TRMT44: variants seen among roughly 807,000 people sequenced by gnomAD.
The protein encoded by TRMT44 is probable tRNA (uracil-O(2)-)-methyltransferase.
TRMT44 carries 78 observed loss-of-function variants against 77.3 expected under a neutral mutation model. The observed-to-expected ratio is 1.01, with a 90% confidence interval of 0.84 to 1.22. TRMT44 has a LOEUF of 1.22. Among genes scored for constraint, TRMT44 ranks in the 50% most tolerant of loss-of-function variants. TRMT44 has a pLI of 0.00. For missense variants in TRMT44, 1,090 were observed against 964.4 expected, an observed-to-expected ratio of 1.13 and a Z score of -1.73; for synonymous variants, 391 against 383.3, an observed-to-expected ratio of 1.02 and a Z score of -0.23.
chr4:8,511,694 G>A, the TRMT44 span: 2 of 149,238 alleles, frequency 1.3e-5, no homozygotes, highest in African/African-American at 5.0e-5. Flanking sequence ...AATAATGTTT[G>A]TTTTTTTCCA....
chr4:8,504,018 G>A, the TRMT44 span, among the ~76,000 whole-genome samples: 1 of 152,104 alleles, frequency 6.6e-6, no homozygotes, highest in Non-Finnish European at 1.5e-5. The surrounding 1 kb of genome is among the most constrained non-coding windows in gnomAD (Gnocchi z 5.3). Flanking sequence ...GCCCTCTGCA[G>A]TCCCCGCACC....
the TRMT44 span, among the ~76,000 whole-genome samples, chr4:8,507,900 A>C: frequency 6.6e-6 from 1 of 151,492 alleles, no homozygotes; most frequent in East Asian, 2.0e-4. Flanking sequence ...TTTTGCTTTG[A>C]TTTGTTTTGT....
rs535548167 is a variant in TRMT44, at chr4:8,462,715, C to CAACAA, written c.1204-1252_1204-1248dup. Among the ~76,000 whole-genome samples the CAACAA allele has an allele frequency of 2.1e-3, 316 of 152,232 alleles. 1 individual carries two copies. The highest frequency in any genetic ancestry group is 4.2e-3 in the African/African-American group (173 of 41,526). On this transcript the variant is annotated intron_variant, in intron 6 of 10. Coordinates refer to ENST00000389737, the MANE Select transcript of TRMT44 (RefSeq NM_152544.3). ...CAAGACTCCGTCTCAAAAACAACAA[C>CAACAA]AACAAAACAAAACAAAACAAAAAAA...
Position 8,452,895 on chromosome 4 carries a change from A to G in TRMT44, c.1037A>G (p.Glu346Gly). ...CTCTTCACTTAGATTCTATGGGAAG[A>G]AGAAAGGGCTGAGAGGAGACTAACT... ...IAAYLLILWE[E>G]ERAERRLTAR... The change falls in exon 5 of 11, where the codon GAA (glutamate) becomes GGA (glycine). Residue 346 changes from glutamate to glycine, a missense_variant. Glu to Gly is a moderately conservative substitution (Grantham distance 98, BLOSUM62 -2). Transcript: ENST00000389737. This position sits in a 1 kb window ranked among gnomAD's most constrained non-coding sequence, Gnocchi z 5.7. 6.5e-7 allele frequency: 1 copy of G among 1,528,748 alleles called. No homozygotes were observed. The highest frequency in any genetic ancestry group is 1.2e-5 in the South Asian group (1 of 82,910). 94.7% of individuals were successfully genotyped at this position (1,528,748 alleles called of 1,614,324 possible). A position where few individuals can be genotyped will look rare whatever the true frequency, so the allele number is the denominator to read the frequency against.
chr4:8,505,941 G>A, the TRMT44 span, among the ~76,000 whole-genome samples: 3 of 152,318 alleles, frequency 2.0e-5, no homozygotes, highest in East Asian at 3.9e-4. Context: ...CACCATGATT[G>A]TAAGTTTCCT....
At chr4:8,473,316 C>G (rs773155547) in intron 10 of TRMT44, 1 of 152,492 alleles carries the variant, frequency 6.6e-6, no homozygotes, top group Non-Finnish European at 1.5e-5. Context: ...TGGTATGGAG[C>G]CTGGCACCGT....
At chr4:8,480,420 C>T (rs768084169), downstream of TRMT44, among the ~76,000 whole-genome samples, 3 of 152,104 alleles carry the variant, frequency 2.0e-5, no homozygotes, top group Non-Finnish European at 4.4e-5. Flanking sequence ...TGCACGGTGC[C>T]CTCCTTGCAC....
rs1291851459 is a variant in TRMT44, at chr4:8,451,991, TCGTGTATGAAGATGTGGCTATCG to T, written c.988_1010del (p.Val330SerfsTer13). Reference sequence around the variant, plus strand: ...CCTGAAGTCACTGATCCTGAGAAGTTCGTGTATGAAGATGTGGCTATCGCAGCATACCTGCTGGTAAGGGTGTA... The same window carrying T: ...CCTGAAGTCACTGATCCTGAGAAGTTCAGCATACCTGCTGGTAAGGGTGTA... On this transcript the variant is annotated frameshift_variant, in exon 4 of 11. Coordinates refer to ENST00000389737, the MANE Select transcript of TRMT44 (RefSeq NM_152544.3). LOFTEE classifies it high-confidence loss of function. The surrounding 1 kb of genome is among the most constrained non-coding windows in gnomAD (Gnocchi z 4.1). The T allele has an allele frequency of 2.0e-6, 3 of 1,536,774 alleles. No homozygotes were observed. The South Asian group carries it at 3.6e-5, about 18-fold the overall frequency.
At chr4:8,483,577 C>G (rs937507232) in intron 2 of TRMT44, among the ~76,000 whole-genome samples, 1 of 152,148 alleles carries the variant, frequency 6.6e-6, no homozygotes, top group South Asian at 2.1e-4. Flanking sequence ...TTGTCCAGTC[C>G]TTTTTAAGTT....
Position 8,468,148 on chromosome 4 carries a change from G to GC in TRMT44, c.1730dup (p.Gly578ArgfsTer5), listed in dbSNP as rs746584160. 3.7e-5 allele frequency: 60 copies of GC among 1,613,916 alleles called. No individual in the cohort carries two copies. Among genetic ancestry groups the GC allele is most frequent in the Non-Finnish European group, 5.1e-5 (60 of 1,180,018 alleles). The stretch of plus-strand genomic sequence containing the variant: ...CAGGGCCTGGGCCGCTGAGCATGGA[G>GC]CAGGGCCCCAGGCTGAAGGACCCTG... On this transcript the variant is annotated frameshift_variant, in exon 9 of 11. Coordinates refer to ENST00000389737, the MANE Select transcript of TRMT44 (RefSeq NM_152544.3). LOFTEE classifies it high-confidence loss of function.
At chr4:8,453,086 T>C in intron 5 of TRMT44, 97 bp downstream of exon 5, 1 of 681,814 alleles carries the variant, frequency 1.5e-6, no homozygotes, top group Non-Finnish European at 2.3e-6. Context: ...TGATACAGCC[T>C]GGATTTGGAG....
At chr4:8,486,385 T>C (rs1487963853) in intron 2 of TRMT44, among the ~76,000 whole-genome samples, 1 of 152,236 alleles carries the variant, frequency 6.6e-6, no homozygotes, top group East Asian at 1.9e-4. Flanking sequence ...TGTTGCTACT[T>C]GGCTGCCTCT....
intron 7 of TRMT44, among the ~76,000 whole-genome samples, chr4:8,464,340 ATC>A (rs1229817010): frequency 3.3e-5 from 5 of 152,226 alleles, no homozygotes; most frequent in South Asian, 4.1e-4. Context: ...TTCACATTAT[ATC>A]TCTGTTGGCC....
intron 2 of TRMT44, among the ~76,000 whole-genome samples, chr4:8,483,212 G>A (rs1422098210): frequency 6.6e-6 from 1 of 152,216 alleles, no homozygotes; most frequent in Non-Finnish European, 1.5e-5. Flanking sequence ...AGGAGATTCA[G>A]CATAGTCCTG....
chr4:8,498,286 A>C (rs543354775), downstream of TRMT44, among the ~76,000 whole-genome samples: 42 of 152,220 alleles, frequency 2.8e-4, no homozygotes, highest in Non-Finnish European at 5.3e-4. The surrounding 1 kb of genome is among the most constrained non-coding windows in gnomAD (Gnocchi z 4.3). Flanking sequence ...GTAAATGCAG[A>C]TTCTACCTCG....
At position 8,449,829 on chromosome 4, in the gene TRMT44, A is replaced by G. The variant is rs1025786702; in HGVS notation, c.895A>G (p.Ile299Val). Residue 299 changes from isoleucine to valine, a missense_variant, in exon 3 of 11, where the codon ATT (isoleucine) becomes GTT (valine). Physicochemically the swap from Ile to Val is conservative, Grantham distance 29 (BLOSUM62 3). Transcript: ENST00000389737. Reference sequence around the variant, plus strand: ...TAAAAGCACCCTTTCCCTCATCTCCATTATGAAGTATAGCAAGGCTTACCA... The same window carrying G: ...TAAAAGCACCCTTTCCCTCATCTCCGTTATGAAGTATAGCAAGGCTTACCA... ...DFKSTLSLIS[I>V]MKYSKAYQEL... 12 of 1,535,864 alleles carry G rather than the reference A, an allele frequency of 7.8e-6. No individual in the cohort carries two copies. The Admixed American group carries it at 9.8e-5, about 13-fold the overall frequency.
chr4:8,488,407 T>A (rs548741275), intron 2 of TRMT44, among the ~76,000 whole-genome samples: 3 of 151,956 alleles, frequency 2.0e-5, no homozygotes, highest in Non-Finnish European at 4.4e-5. Context: ...TTTGGTTAGG[T>A]AAAGGAAAAT....
Position 8,446,789 on chromosome 4 carries a change from A to G in TRMT44, c.734+199A>G, listed in dbSNP as rs1284720615. Among the ~76,000 whole-genome samples, 1 of 152,180 alleles carries G rather than the reference A, an allele frequency of 6.6e-6. No individual in the cohort carries two copies. Among genetic ancestry groups the G allele is most frequent in the Admixed American group, 6.5e-5 (1 of 15,276 alleles). On this transcript the variant is annotated intron_variant, in intron 2 of 10. Transcript: ENST00000389737. This position sits in a 1 kb window ranked among gnomAD's most constrained non-coding sequence, Gnocchi z 4.3. ...CCTGGCCTCGAGTCTGGGTGGTCAC[A>G]GCCTGGCTGGGGTTTCTGATCTCTA...
chr4:8,472,375 G>A (rs1727064613), intron 10 of TRMT44, among the ~76,000 whole-genome samples: 1 of 152,238 alleles, frequency 6.6e-6, no homozygotes, highest in Non-Finnish European at 1.5e-5. Flanking sequence ...AAAGGACTGG[G>A]CCTCTGATGG....
Sources: allele counts gnomAD v4.1 joint callset (sites outside exome capture counted in the v4.1 genomes callset), GRCh38; gene constraint gnomAD v4.1.1; non-coding constraint Gnocchi (gnomAD v3.1); transcripts MANE v1.5; gene names NCBI Gene and HGNC (gene_info 2026-07-23, HGNC 2026-07-21).